Variants in USH1C observed in about 807,000 individuals in gnomAD.
USH1C encodes the protein harmonin.
A neutral mutation model predicts 119.3 loss-of-function variants in USH1C; 90 were observed. The ratio of observed to expected loss-of-function variants is 0.75; its 90% CI spans 0.64 to 0.90. USH1C has a LOEUF of 0.90. Ranked by LOEUF, USH1C falls within the 40% of genes least tolerant of loss-of-function variation. The pLI, the probability that USH1C is intolerant of heterozygous loss-of-function variation, is 0.00. For synonymous variants in USH1C, 465 were observed against 443.3 expected (o/e 1.05, Z -0.62); for missense variants, 1,165 against 1,167.7 (o/e 1.00, Z 0.03).
At position 17,523,256 on chromosome 11, in the gene USH1C, C is replaced by T. The variant is rs747960138; in HGVS notation, c.831G>A (p.Val277=). Residue 277 remains valine, a synonymous_variant, in exon 11 of 27, where the codon GTG becomes GTA. Coordinates refer to ENST00000005226, the MANE Select transcript of USH1C (RefSeq NM_153676.4). ...TGGTCAGGCTGCGGCTACTCTTCAG[C>T]ACATTTACAGCCTGTGGGGACAGAA... The part of the protein sequence containing the change: ...SNLDHKEAVN[V]LKSSRSLTIS... 2 of 1,614,192 alleles carry T rather than the reference C, an allele frequency of 1.2e-6. No homozygotes were observed. Among genetic ancestry groups the T allele is most frequent in the Admixed American group, 1.7e-5 (1 of 60,028 alleles).
rs1004622706 is a variant in USH1C at position 17,501,539 on chromosome 11, G to C, written c.2227-4C>G. 2 of 1,611,478 alleles carry C rather than the reference G, an allele frequency of 1.2e-6. No homozygotes were observed. Among genetic ancestry groups the C allele is most frequent in the South Asian group, 2.2e-5 (2 of 90,410 alleles). ...CCATGATCTGCTCTGGGGTGAACTA[G>C]AGAGAAAAAGACAGTGGGAAGCTTT... On this transcript the variant is annotated splice_region_variant and splice_polypyrimidine_tract_variant and intron_variant, in intron 21 of 26. Coordinates refer to ENST00000005226, the MANE Select transcript of USH1C (RefSeq NM_153676.4).
At chr11:17,532,003 C>T (rs190246258) in intron 2 of USH1C, among the ~76,000 whole-genome samples, 4 of 152,204 alleles carry the variant, frequency 2.6e-5, no homozygotes, top group East Asian at 1.9e-4. Flanking sequence ...CTCACTGTCA[C>T]GTCATCTTTT....
intron 24 of USH1C, among the ~76,000 whole-genome samples, chr11:17,497,592 C>T (rs1464349529): frequency 3.3e-5 from 5 of 152,248 alleles, no homozygotes; most frequent in Non-Finnish European, 7.3e-5. Flanking sequence ...CGGCACTGAA[C>T]TTAATACCTC....
chr11:17,541,514 C>T (rs1268746959), intron 1 of USH1C, among the ~76,000 whole-genome samples: 1 of 152,216 alleles, frequency 6.6e-6, no homozygotes, highest in Non-Finnish European at 1.5e-5. Context: ...TGCATGATTG[C>T]TGAAGAGGCA....
rs923310886 is a variant in USH1C at position 17,531,578 on chromosome 11, C to T, written c.105-36G>A. On this transcript the variant is annotated intron_variant, in intron 2 of 26. Transcript: ENST00000005226. This position sits in a 1 kb window ranked among gnomAD's most constrained non-coding sequence, Gnocchi z 4.2. ...GCCGGGAATGCCTGGAGCCTCACCC[C>T]TGGCCATGACCTCAGGCACCCAGGG... 1.4e-5 allele frequency: 22 copies of T among 1,609,664 alleles called. No homozygotes were observed. Among genetic ancestry groups the T allele is most frequent in the Non-Finnish European group, 1.9e-5 (22 of 1,179,720 alleles).
rs752915195 is a variant in USH1C, at chr11:17,509,657, TTGGAGGG to T, written c.1705_1711del (p.Pro569ThrfsTer18). On this transcript the variant is annotated frameshift_variant, in exon 18 of 27. Transcript: ENST00000005226. LOFTEE classifies it high-confidence loss of function. ...GGGCGCCGGGACCTTGTGGGGTGGG[TTGGAGGG>T]TGGAGGGTGGGGCATCACAGGCAAG... 1 of 1,588,180 alleles carries T rather than the reference TTGGAGGG, an allele frequency of 6.3e-7. No homozygotes were observed. Among genetic ancestry groups the T allele is most frequent in the South Asian group, 1.1e-5 (1 of 88,718 alleles).
chr11:17,500,824 AC>A (rs1203700306), intron 23 of USH1C, among the ~76,000 whole-genome samples: 1 of 150,886 alleles, frequency 6.6e-6, no homozygotes, highest in Non-Finnish European at 1.5e-5. Flanking sequence ...CTGGCTGGGG[AC>A]CCCCTGAGGG....
intron 4 of USH1C, among the ~76,000 whole-genome samples, chr11:17,527,928 G>A (rs758103571): frequency 1.3e-5 from 2 of 152,070 alleles, no homozygotes; most frequent in Non-Finnish European, 2.9e-5. Context: ...CCTGACCTCT[G>A]AATTCCTATT....
intron 1 of USH1C, among the ~76,000 whole-genome samples, chr11:17,537,668 C>T (rs1452068859): frequency 1.3e-5 from 2 of 152,186 alleles, no homozygotes; most frequent in Non-Finnish European, 2.9e-5. Context: ...TCATCTGAAT[C>T]CTGCCTTCAT....
At chr11:17,537,355 A>T (rs1851270325) in intron 1 of USH1C, among the ~76,000 whole-genome samples, 1 of 152,188 alleles carries the variant, frequency 6.6e-6, no homozygotes, top group East Asian at 1.9e-4. Flanking sequence ...CACGCAGTAA[A>T]TCTCCCACAC....
intron 24 of USH1C, among the ~76,000 whole-genome samples, chr11:17,497,404 C>T (rs986576354): frequency 6.6e-6 from 1 of 152,154 alleles, no homozygotes; most frequent in African/African-American, 2.4e-5. Context: ...CTCTCTCTTT[C>T]CCCAGGACTT....
At chr11:17,496,202 G>T (rs998646987) in intron 25 of USH1C, among the ~76,000 whole-genome samples, 4 of 151,998 alleles carry the variant, frequency 2.6e-5, no homozygotes, top group African/African-American at 9.7e-5. Flanking sequence ...GACAGAGAGG[G>T]AGGAGGAGAG....
intron 18 of USH1C, among the ~76,000 whole-genome samples, chr11:17,508,132 G>A (rs1175057777): frequency 6.6e-6 from 1 of 152,164 alleles, no homozygotes; most frequent in African/African-American, 2.4e-5. Flanking sequence ...CTTGATGGAG[G>A]CCACTTACAG....
chr11:17,531,558 G>GAAT lies in USH1C; in HGVS notation c.105-19_105-17dup. The GAAT allele has an allele frequency of 6.2e-7, 1 of 1,611,286 alleles. No homozygotes were observed. Among genetic ancestry groups the GAAT allele is most frequent in the Non-Finnish European group, 8.5e-7 (1 of 1,179,668 alleles). On this transcript the variant is annotated splice_polypyrimidine_tract_variant and intron_variant, in intron 2 of 26. Transcript: ENST00000005226. This position sits in a 1 kb window ranked among gnomAD's most constrained non-coding sequence, Gnocchi z 4.2. ...GTCCATGGTCCTGTGGAGATGCCGG[G>GAAT]AATGCCTGGAGCCTCACCCCTGGCC...
intron 1 of USH1C, among the ~76,000 whole-genome samples, chr11:17,537,582 T>C (rs1312770888): frequency 6.6e-6 from 1 of 152,194 alleles, no homozygotes; most frequent in African/African-American, 2.4e-5. Flanking sequence ...TGCCTCCCCT[T>C]AGTTCACTTC....
chr11:17,524,881 C>T (rs1850590376), intron 8 of USH1C, among the ~76,000 whole-genome samples: 1 of 152,040 alleles, frequency 6.6e-6, no homozygotes, highest in Admixed American at 6.5e-5. Flanking sequence ...CAGGGTCTTG[C>T]TCTGTCACCC....
At chr11:17,516,442 C>A in intron 14 of USH1C, 152 bp from the exon 15 acceptor site, 1 of 787,734 alleles carries the variant, frequency 1.3e-6, no homozygotes, top group Non-Finnish European at 2.1e-6. Flanking sequence ...ACCCTCTGTC[C>A]AACTCGGCTT....
rs769984840 is a variant in USH1C, at chr11:17,520,897, G to C, written c.1183C>G (p.His395Asp). ...TTTGGCTTGCGAAGGGGTACTGGGTGTACCTCAGCAGTGATGGTTTTAGGC... is the reference window on the plus strand; with the variant it reads ...TTTGGCTTGCGAAGGGGTACTGGGTCTACCTCAGCAGTGATGGTTTTAGGC... ...LLPKTITAEV[H>D]PVPLRKPKSF... The change falls in exon 14 of 27, where the codon CAC (histidine) becomes GAC (aspartate). Residue 395 changes from histidine (H) to aspartate (D), a missense_variant. By Grantham distance (81) the His-to-Asp change is moderately conservative (BLOSUM62 -1). Transcript: ENST00000005226. 6.2e-7 allele frequency: 1 copy of C among 1,614,048 alleles called. No homozygotes were observed. The highest frequency in any genetic ancestry group is 2.2e-5 in the East Asian group (1 of 44,888).
chr11:17,502,106 G>A (rs892788481), intron 20 of USH1C, 126 bp from the exon 21 acceptor site: 33 of 957,052 alleles, frequency 3.4e-5, no homozygotes, highest in South Asian at 1.2e-4. Flanking sequence ...GAGAAGGCAC[G>A]GCCAGGGTAC....
Sources: allele counts gnomAD v4.1 joint callset (sites outside exome capture counted in the v4.1 genomes callset), GRCh38; gene constraint gnomAD v4.1.1; non-coding constraint Gnocchi (gnomAD v3.1); transcripts MANE v1.5; gene names NCBI Gene and HGNC (gene_info 2026-07-23, HGNC 2026-07-21).